MIS18BP1: variants seen among roughly 807,000 people sequenced by gnomAD.
MIS18BP1 encodes MIS18 binding protein 1.
Under a neutral mutation model 116.1 loss-of-function variants are expected in MIS18BP1, and 72 were observed. That is an observed-to-expected ratio of 0.62 (90% CI 0.51 to 0.75). MIS18BP1 has a LOEUF of 0.75. Among genes scored for constraint, MIS18BP1 ranks in the 30% least tolerant of loss-of-function variants. MIS18BP1 has a pLI of 0.00. For missense variants in MIS18BP1, 1,363 were observed against 1,303.2 expected (o/e 1.05, Z -0.71); for synonymous variants, 386 against 427.0 (o/e 0.90, Z 1.18).
chr14:45,230,990 T>C (rs1891257346), intron 8 of MIS18BP1, 151 bp downstream of exon 8: 3 of 654,146 alleles, frequency 4.6e-6, no homozygotes, highest in Non-Finnish European at 7.0e-6. Flanking sequence ...ACTTCTCATA[T>C]AGTAGTGAAG....
At chr14:45,227,587 G>T (rs1443881611) in intron 9 of MIS18BP1, 76 bp downstream of exon 9, 6 of 1,178,500 alleles carry the variant, frequency 5.1e-6, no homozygotes, top group Middle Eastern at 2.6e-4. Context: ...TCCCTGATAT[G>T]GTCCCAAACC....
chr14:45,210,573 A>C, intron 13 of MIS18BP1, 45 bp from the exon 14 acceptor site: 1 of 1,602,080 alleles, frequency 6.2e-7, no homozygotes, highest in Non-Finnish European at 8.5e-7. Context: ...CATAAAAGGT[A>C]TTTTCTCATT....
At chr14:45,238,383 G>C (rs1891484728) in intron 4 of MIS18BP1, among the ~76,000 whole-genome samples, 1 of 152,078 alleles carries the variant, frequency 6.6e-6, no homozygotes, top group Non-Finnish European at 1.5e-5. Flanking sequence ...AAAATTTATG[G>C]AATAATTTGA....
chr14:45,204,423 T>C lies in MIS18BP1; in HGVS notation c.3271A>G (p.Arg1091Gly), dbSNP rs1343754557. 12 of 1,606,986 alleles carry C rather than the reference T, an allele frequency of 7.5e-6. No individual in the cohort carries two copies. The highest frequency in any genetic ancestry group is 9.3e-6 in the Non-Finnish European group (11 of 1,177,616). The change falls in exon 16 of 17, where the codon AGA (arginine) becomes GGA (glycine). Residue 1091 changes from arginine (R) to glycine (G), a missense_variant. Physicochemically the swap from Arg to Gly is moderately radical, Grantham distance 125. Coordinates refer to ENST00000310806, the MANE Select transcript of MIS18BP1 (RefSeq NM_018353.5). ...VETDFSTPTPRRKTPFNTDLG... is the reference protein window; with the variant it reads ...VETDFSTPTPGRKTPFNTDLG... Reference sequence around the variant, plus strand: ...CCTGTGTTAAATGGGGTTTTCCTTCTTGGTGTTGGAGTTGAGAAATCAGTT... The same window carrying C: ...CCTGTGTTAAATGGGGTTTTCCTTCCTGGTGTTGGAGTTGAGAAATCAGTT...
At chr14:45,244,735 C>T (rs1206599203) in intron 2 of MIS18BP1, among the ~76,000 whole-genome samples, 1 of 152,194 alleles carries the variant, frequency 6.6e-6, no homozygotes, top group East Asian at 1.9e-4. Context: ...TCTACCTCCT[C>T]AAACTTCAAT....
intron 11 of MIS18BP1, among the ~76,000 whole-genome samples, chr14:45,219,341 A>G (rs1890909488): frequency 6.6e-6 from 1 of 152,226 alleles, no homozygotes; most frequent in South Asian, 2.1e-4. Flanking sequence ...CCTGATTTAT[A>G]AAGTCTGATG....
At chr14:45,252,694 T>C (rs1594534172) in intron 1 of MIS18BP1, among the ~76,000 whole-genome samples, 1 of 151,774 alleles carries the variant, frequency 6.6e-6, no homozygotes, top group East Asian at 1.9e-4. Flanking sequence ...ACTGCTTCTA[T>C]AGCCCTGTGG....
At chr14:45,238,634 A>C (rs570044633) in intron 4 of MIS18BP1, among the ~76,000 whole-genome samples, 1 of 152,248 alleles carries the variant, frequency 6.6e-6, no homozygotes, top group East Asian at 1.9e-4. Context: ...GTTCAAGACC[A>C]GCCTGGGCAA....
At chr14:45,231,462 C>T in intron 7 of MIS18BP1, 164 bp from the exon 8 acceptor site, 1 of 570,100 alleles carries the variant, frequency 1.8e-6, no homozygotes. Flanking sequence ...TCACTCCCTT[C>T]CTTCACAAAG....
At chr14:45,241,863 C>T in intron 4 of MIS18BP1, 171 bp downstream of exon 4, 1 of 694,426 alleles carries the variant, frequency 1.4e-6, no homozygotes, top group Non-Finnish European at 2.3e-6. Context: ...CACTATGTCA[C>T]ACTGTCACTG....
chr14:45,217,938 T>C (rs968871473), intron 12 of MIS18BP1, among the ~76,000 whole-genome samples: 23 of 152,328 alleles, frequency 1.5e-4, no homozygotes, highest in African/African-American at 5.5e-4. Context: ...CATGGGACTA[T>C]GAAAACTGAA....
At chr14:45,215,709 C>CT (rs1487871655) in intron 13 of MIS18BP1, among the ~76,000 whole-genome samples, 479 of 136,666 alleles carry the variant, frequency 3.5e-3, no homozygotes, top group South Asian at 4.7e-3. Flanking sequence ...CTGCACCCGG[C>CT]TTTTTTTTTT....
At chr14:45,229,248 A>G (rs980943543) in intron 8 of MIS18BP1, among the ~76,000 whole-genome samples, 2 of 152,032 alleles carry the variant, frequency 1.3e-5, no homozygotes, top group African/African-American at 4.8e-5. Context: ...TTTCATGTCT[A>G]TAATCCCAGC....
At position 45,203,975 on chromosome 14, in the gene MIS18BP1, CAT is replaced by C; in HGVS notation, c.*132_*133del. 1 of 1,317,812 alleles carries C rather than the reference CAT, an allele frequency of 7.6e-7. No homozygotes were observed. The highest frequency in any genetic ancestry group is 3.2e-5 in the Admixed American group (1 of 31,152). The allele number at this position is 1,317,812 out of a possible 1,614,324, so 81.6% of individuals were successfully genotyped here. ...GAGGATATTTTACTTTGAACACAAA[CAT>C]ATGAAACCTTCAAAAAAGTCCACAT... On this transcript the variant is annotated 3_prime_UTR_variant, in exon 17 of 17. Coordinates refer to ENST00000310806, the MANE Select transcript of MIS18BP1 (RefSeq NM_018353.5).
chr14:45,224,931 G>A (rs973355217), intron 10 of MIS18BP1, among the ~76,000 whole-genome samples, 185 bp from the exon 11 acceptor site: 4 of 152,148 alleles, frequency 2.6e-5, no homozygotes, highest in African/African-American at 9.7e-5. Context: ...CCCTTCAACT[G>A]TAAACATATA....
chr14:45,228,578 T>A (rs1891189306), intron 8 of MIS18BP1, among the ~76,000 whole-genome samples: 1 of 152,242 alleles, frequency 6.6e-6, no homozygotes, highest in Admixed American at 6.5e-5. Context: ...AATTATACAG[T>A]ATATAATATA....
intron 8 of MIS18BP1, among the ~76,000 whole-genome samples, chr14:45,229,271 C>A (rs1279297754): frequency 6.6e-6 from 1 of 151,864 alleles, no homozygotes. Context: ...TTTGGGAGGC[C>A]AAGGTGGGAG....
chr14:45,235,549 C>T (rs1328648272), intron 6 of MIS18BP1, among the ~76,000 whole-genome samples: 2 of 143,834 alleles, frequency 1.4e-5, no homozygotes, highest in Non-Finnish European at 3.0e-5. Flanking sequence ...GAGATCGTGC[C>T]ACTGCACTCC....
intron 14 of MIS18BP1, among the ~76,000 whole-genome samples, chr14:45,208,630 C>G (rs1478101903): frequency 1.3e-5 from 2 of 152,102 alleles, no homozygotes; most frequent in African/African-American, 4.8e-5. Flanking sequence ...CCGCGCCCGG[C>G]CACGGATGAA....
Sources: allele counts gnomAD v4.1 joint callset (sites outside exome capture counted in the v4.1 genomes callset), GRCh38; gene constraint gnomAD v4.1.1; transcripts MANE v1.5; gene names NCBI Gene and HGNC (gene_info 2026-07-23, HGNC 2026-07-21).